HADHA: variants seen among roughly 807,000 people sequenced by gnomAD.
HADHA encodes the protein trifunctional enzyme subunit alpha, mitochondrial.
Under a neutral mutation model 91.3 loss-of-function variants are expected in HADHA, and 59 were observed. That is an observed-to-expected ratio of 0.65 (90% CI 0.52 to 0.80). HADHA has a LOEUF of 0.80. HADHA is among the 30% of genes least tolerant of loss of function. The probability of loss-of-function intolerance (pLI) is 0.00; values close to 1 mark genes in which losing one functional copy is unlikely to be tolerated. For missense variants in HADHA, 800 were observed against 927.6 expected (o/e 0.86, Z 1.79); for synonymous variants, 320 against 338.9 (o/e 0.94, Z 0.61).
chr2:26,244,463 C>A (rs1671024155), intron 1 of HADHA, 67 bp downstream of exon 1: 1 of 1,500,684 alleles, frequency 6.7e-7, no homozygotes, highest in South Asian at 1.2e-5. Flanking sequence ...AGACGCGGCT[C>A]CGGGGCCACC....
At chr2:26,231,560 T>C (rs1188205566) in intron 6 of HADHA, among the ~76,000 whole-genome samples, 3 of 152,228 alleles carry the variant, frequency 2.0e-5, no homozygotes, top group Admixed American at 6.5e-5. Flanking sequence ...ACTGTTAAGA[T>C]GGTATTATGT....
chr2:26,236,106 T>C (rs1170507048), intron 4 of HADHA, among the ~76,000 whole-genome samples: 2 of 152,212 alleles, frequency 1.3e-5, no homozygotes, highest in Admixed American at 6.6e-5. Flanking sequence ...AATTTGCTTT[T>C]CTTTTAACTT....
intron 7 of HADHA, among the ~76,000 whole-genome samples, chr2:26,226,752 T>A (rs1457579630): frequency 6.6e-6 from 1 of 152,028 alleles, no homozygotes; most frequent in Admixed American, 6.6e-5. Flanking sequence ...CTTAGTGATA[T>A]TGAGTTAGAA....
Position 26,191,243 on chromosome 2 carries a change from G to A in HADHA, c.*7C>T, listed in dbSNP as rs11552517. 6 of 1,612,106 alleles carry A rather than the reference G, an allele frequency of 3.7e-6. No homozygotes were observed. In the South Asian group the frequency reaches 6.6e-5, roughly 18 times the overall value. ...AGTGCACTGACTGAGCGAGGCATGAGGCCTGCTCACTGGTAGAACTTCTTG... is the reference window on the plus strand; with the variant it reads ...AGTGCACTGACTGAGCGAGGCATGAAGCCTGCTCACTGGTAGAACTTCTTG... On this transcript the variant is annotated 3_prime_UTR_variant, in exon 20 of 20. Coordinates refer to ENST00000380649, the MANE Select transcript of HADHA (RefSeq NM_000182.5).
chr2:26,209,596 G>C (rs963046481), intron 11 of HADHA, among the ~76,000 whole-genome samples, 184 bp downstream of exon 11: 1 of 152,138 alleles, frequency 6.6e-6, no homozygotes, highest in Non-Finnish European at 1.5e-5. Flanking sequence ...AAAAAACTCA[G>C]AACAGGCAGA....
intron 1 of HADHA, among the ~76,000 whole-genome samples, chr2:26,242,077 T>A (rs994731092): frequency 6.6e-6 from 1 of 152,134 alleles, no homozygotes; most frequent in Non-Finnish European, 1.5e-5. Context: ...AATTCTGGTA[T>A]TTTTTGGTAG....
chr2:26,239,902 T>C (rs1233189990), intron 1 of HADHA, among the ~76,000 whole-genome samples: 4 of 152,214 alleles, frequency 2.6e-5, no homozygotes, highest in Admixed American at 6.5e-5. Flanking sequence ...ACAAGTCTCT[T>C]ACAAGTGAAC....
rs781338540 is a variant in HADHA, at chr2:26,204,094, C to T, written c.1188G>A (p.Ala396=). The T allele has an allele frequency of 4.3e-6, 7 of 1,613,762 alleles. No homozygotes were observed. The highest frequency in any genetic ancestry group is 1.1e-5 in the South Asian group (1 of 91,082). Reference sequence around the variant, plus strand: ...ACACTTGTTGCTGTCCTCGGTCTAGCGCAGTGAGGGTGGCATCTTTAAGTA... The same window carrying T: ...ACACTTGTTGCTGTCCTCGGTCTAGTGCAGTGAGGGTGGCATCTTTAAGTA... The part of the protein sequence containing the change: ...KTILKDATLT[A]LDRGQQQVFK... The change falls in exon 12 of 20, where the codon GCG becomes GCA. Residue 396 remains alanine (A), a synonymous_variant. Transcript: ENST00000380649.
At position 26,229,348 on chromosome 2, in the gene HADHA, G is replaced by GCACACACACACACACACACA. The variant is rs5830004; in HGVS notation, c.676+824_676+843dup. Among the ~76,000 whole-genome samples the GCACACACACACACACACACA allele has an allele frequency of 1.4e-3, 210 of 147,624 alleles. 1 individual carries two copies. The highest frequency in any genetic ancestry group is 5.1e-3 in the African/African-American group (201 of 39,654). On this transcript the variant is annotated intron_variant, in intron 7 of 19. Coordinates refer to ENST00000380649, the MANE Select transcript of HADHA (RefSeq NM_000182.5). This position sits in a 1 kb window ranked among gnomAD's most constrained non-coding sequence, Gnocchi z 4.3. ...GTGAGACCCCAACATGTGTGCGCGC[G>GCACACACACACACACACACA]CACACACACACACACACACACACAC...
intron 16 of HADHA, 43 bp from the exon 17 acceptor site, chr2:26,193,815 CA>C: frequency 6.7e-7 from 1 of 1,495,182 alleles, no homozygotes; most frequent in East Asian, 2.3e-5. Context: ...AAGGGCAGCC[CA>C]AATCCCCCCA....
intron 3 of HADHA, among the ~76,000 whole-genome samples, chr2:26,238,034 G>T (rs1200292207): frequency 6.6e-6 from 1 of 152,166 alleles, no homozygotes; most frequent in Non-Finnish European, 1.5e-5. Context: ...GAGAGACAAG[G>T]TCTTGCTCTG....
rs559080518 is a variant in HADHA at position 26,243,700 on chromosome 2, T to C, written c.67+830A>G. ...GTTAAGTAACTTATTAAGCACAACA[T>C]GCAATAAAACGTTGTCCACTTTTGA... On this transcript the variant is annotated intron_variant, in intron 1 of 19. Coordinates refer to ENST00000380649, the MANE Select transcript of HADHA (RefSeq NM_000182.5). Among the ~76,000 whole-genome samples the C allele has an allele frequency of 2.6e-5, 4 of 152,298 alleles. No homozygotes were observed. In the East Asian group the frequency reaches 5.8e-4, roughly 22 times the overall value.
chr2:26,191,118 A>T lies in HADHA; in HGVS notation c.*132T>A. ...AGATGGTCTTGGCTGAAGGCACTTT[A>T]ATCAGGGAGCAAACCCAGTGCCGGA... On this transcript the variant is annotated 3_prime_UTR_variant, in exon 20 of 20. Transcript: ENST00000380649. The T allele has an allele frequency of 1.1e-6, 1 of 885,102 alleles. No homozygotes were observed. Among genetic ancestry groups the T allele is most frequent in the Non-Finnish European group, 1.8e-6 (1 of 545,288 alleles). The allele number at this position is 885,102 out of a possible 1,614,324, so 54.8% of individuals were successfully genotyped here.
Position 26,210,018 on chromosome 2 carries a change from A to C in HADHA, c.976-129T>G, listed in dbSNP as rs1670062576. 2 of 715,910 alleles carry C rather than the reference A, an allele frequency of 2.8e-6. No individual in the cohort carries two copies. The highest frequency in any genetic ancestry group is 5.1e-6 in the Non-Finnish European group (2 of 390,878). The allele number at this position is 715,910 out of a possible 1,614,324, so 44.3% of individuals were successfully genotyped here. ...GCCTGAGTCCCTGGGGATGCGGGGG[A>C]GTTTGGGGGTTCAGTGCTGCAGAAG... On this transcript the variant is annotated intron_variant, in intron 10 of 19. Coordinates refer to ENST00000380649, the MANE Select transcript of HADHA (RefSeq NM_000182.5). This position sits in a 1 kb window ranked among gnomAD's most constrained non-coding sequence, Gnocchi z 4.0.
At chr2:26,193,888 T>C in intron 16 of HADHA, 116 bp from the exon 17 acceptor site, 4 of 798,954 alleles carry the variant, frequency 5.0e-6, no homozygotes, top group Non-Finnish European at 6.5e-6. Flanking sequence ...GAGTGTCACC[T>C]GACCAGGCCC....
intron 7 of HADHA, among the ~76,000 whole-genome samples, chr2:26,225,269 A>G (rs1670459869): frequency 6.6e-6 from 1 of 152,062 alleles, no homozygotes; most frequent in South Asian, 2.1e-4. Flanking sequence ...TAGGTGGATC[A>G]TGAGGTCAGA....
intron 7 of HADHA, among the ~76,000 whole-genome samples, chr2:26,228,502 C>T (rs2147778782): frequency 6.6e-6 from 1 of 152,296 alleles, no homozygotes; most frequent in African/African-American, 2.4e-5. Flanking sequence ...TTAGAAACAA[C>T]TCAAATGCTC....
At chr2:26,225,039 C>G (rs188962545) in intron 7 of HADHA, among the ~76,000 whole-genome samples, 373 of 152,262 alleles carry the variant, frequency 2.4e-3, no homozygotes, top group African/African-American at 8.7e-3. Context: ...GTAGCTTACT[C>G]TAGAATGGAG....
chr2:26,236,420 G>GTGTGTATATA (rs553522257), intron 4 of HADHA, among the ~76,000 whole-genome samples: 42 of 116,526 alleles, frequency 3.6e-4, no homozygotes, highest in African/African-American at 1.2e-3. Flanking sequence ...GTGTGTGTGT[G>GTGTGTATATA]TATATACTTT....
Sources: allele counts gnomAD v4.1 joint callset (sites outside exome capture counted in the v4.1 genomes callset), GRCh38; gene constraint gnomAD v4.1.1; non-coding constraint Gnocchi (gnomAD v3.1); transcripts MANE v1.5; gene names NCBI Gene and HGNC (gene_info 2026-07-23, HGNC 2026-07-21).